Variants in PCDHGB4 observed in about 807,000 individuals in gnomAD.
PCDHGB4 encodes the protein protocadherin gamma subfamily B, 4.
A neutral mutation model predicts 60.5 loss-of-function variants in PCDHGB4; 38 were observed. The observed-to-expected ratio is 0.63, with a 90% CI of 0.48 to 0.82. The LOEUF (loss-of-function observed/expected upper bound fraction) is 0.82, where lower values mean the gene tolerates loss of function less well. Ranked by LOEUF, PCDHGB4 falls within the 40% of genes least tolerant of loss-of-function variation. The probability of loss-of-function intolerance (pLI) is 0.00; values close to 1 mark genes in which losing one functional copy is unlikely to be tolerated. For missense variants in PCDHGB4, 1,109 were observed against 1,209.6 expected, an observed-to-expected ratio of 0.92 and a Z score of 1.23; for synonymous variants, 456 against 509.7, an observed-to-expected ratio of 0.89 and a Z score of 1.42.
In PCDHGB4 at chr5:141,511,360, T is replaced by C; in HGVS notation, c.*187T>C. The C allele has an allele frequency of 7.5e-7, 1 of 1,333,050 alleles. No individual in the cohort carries two copies. Among genetic ancestry groups the C allele is most frequent in the Non-Finnish European group, 1.0e-6 (1 of 994,882 alleles). 82.6% of individuals were successfully genotyped at this position (1,333,050 alleles called of 1,614,324 possible). On this transcript the variant is annotated 3_prime_UTR_variant, in exon 4 of 4. Transcript: ENST00000519479. ...ACCTACCCCTTCCCCCCCAGGGGGT[T>C]GAATATGCAAAAGCAGTTCCGCTGG...
chr5:141,487,176 A>T lies in PCDHGB4; in HGVS notation c.2398-7631A>T. ...ACTCTCTTAGTGTCCTTAGAGGAAG[A>T]CACTCATCCAGTTGTCCCAGATCTT... On this transcript the variant is annotated intron_variant, in intron 1 of 3. Transcript: ENST00000519479. This position sits in a 1 kb window ranked among gnomAD's most constrained non-coding sequence, Gnocchi z 5.0. 1 of 1,613,774 alleles carries T rather than the reference A, an allele frequency of 6.2e-7. No individual in the cohort carries two copies. Among genetic ancestry groups the T allele is most frequent in the South Asian group, 1.1e-5 (1 of 91,082 alleles).
rs761731200 is a variant in PCDHGB4, at chr5:141,477,252, T to C, written c.2398-17555T>C. The C allele has an allele frequency of 1.2e-6, 2 of 1,614,182 alleles. No homozygotes were observed. The highest frequency in any genetic ancestry group is 8.5e-7 in the Non-Finnish European group (1 of 1,180,034). ...ATCGCTTTGCTCAGTGTGACTGACCTGGATGCTGGCGAGAACGGGCTGGTG... is the reference window on the plus strand; with the variant it reads ...ATCGCTTTGCTCAGTGTGACTGACCCGGATGCTGGCGAGAACGGGCTGGTG... On this transcript the variant is annotated intron_variant, in intron 1 of 3. Transcript: ENST00000519479. The surrounding 1 kb of genome is among the most constrained non-coding windows in gnomAD (Gnocchi z 4.9).
At chr5:141,497,307 C>T (rs1295364802) in intron 2 of PCDHGB4, among the ~76,000 whole-genome samples, 1 of 152,096 alleles carries the variant, frequency 6.6e-6, no homozygotes, top group Non-Finnish European at 1.5e-5. Flanking sequence ...CCAGGCCATA[C>T]ACTGGCTTTG....
In PCDHGB4 at chr5:141,389,374, G is replaced by A. The variant is rs192606668; in HGVS notation, c.1490G>A (p.Arg497Gln). Residue 497 changes from arginine (R) to glutamine (Q), a missense_variant, in exon 1 of 4, where the codon CGG becomes CAG. By Grantham distance (43) the Arg-to-Gln change is conservative. This residue lies in a region of PCDHGB4 where 1,068 missense variants were observed against 1,089.9 expected (regional missense o/e 0.98). Coordinates refer to ENST00000519479, the MANE Select transcript of PCDHGB4 (RefSeq NM_003736.4). Reference sequence around the variant, plus strand: ...ATCATGGCCAGTGACCTGGAGCAGCGGGAGCTGTCATCCTACGTGTCCATA... The same window carrying A: ...ATCATGGCCAGTGACCTGGAGCAGCAGGAGCTGTCATCCTACGTGTCCATA... ...YCIMASDLEQ[R>Q]ELSSYVSISA... 1,030 of 1,613,784 alleles carry A rather than the reference G, an allele frequency of 6.4e-4. 16 individuals are homozygous for A. The East Asian group carries it at 0.021, about 33-fold the overall frequency.
At chr5:141,402,580 T>C (rs1217508250) in intron 1 of PCDHGB4, among the ~76,000 whole-genome samples, 3 of 152,226 alleles carry the variant, frequency 2.0e-5, no homozygotes, top group South Asian at 4.1e-4. Context: ...CTCAGATATC[T>C]AAAAAATAGA....
chr5:141,447,648 T>A (rs1262852729), intron 1 of PCDHGB4, among the ~76,000 whole-genome samples: 3 of 152,164 alleles, frequency 2.0e-5, no homozygotes, highest in African/African-American at 4.8e-5. Flanking sequence ...ATGGTAGAAT[T>A]TTCCCCCCCA....
chr5:141,422,432 A>G, intron 1 of PCDHGB4: 1 of 1,609,448 alleles, frequency 6.2e-7, no homozygotes, highest in Non-Finnish European at 8.5e-7. Context: ...TATGGAAATT[A>G]TTACAAATTG....
At chr5:141,419,192 G>C (rs772847766) in intron 1 of PCDHGB4, 2 of 1,613,934 alleles carry the variant, frequency 1.2e-6, no homozygotes, top group Admixed American at 1.7e-5. Context: ...CATTACTGAC[G>C]TCAATGACAA....
At chr5:141,459,863 G>A (rs182099511) in intron 1 of PCDHGB4, among the ~76,000 whole-genome samples, 2 of 152,242 alleles carry the variant, frequency 1.3e-5, no homozygotes, top group East Asian at 1.9e-4. Context: ...TGAAGCATTC[G>A]TTCATCTTTA....
intron 1 of PCDHGB4, chr5:141,403,849 G>C (rs1422192604): frequency 6.2e-7 from 1 of 1,613,560 alleles, no homozygotes; most frequent in South Asian, 1.1e-5. Context: ...AAAATACTGG[G>C]GAAATATCAA....
At chr5:141,458,728 T>A (rs1010109573) in intron 1 of PCDHGB4, among the ~76,000 whole-genome samples, 1 of 151,870 alleles carries the variant, frequency 6.6e-6, no homozygotes, top group Non-Finnish European at 1.5e-5. Context: ...CGCCACCACA[T>A]CCAGCTATTG....
chr5:141,444,900 T>C (rs997464788), intron 1 of PCDHGB4, among the ~76,000 whole-genome samples: 1 of 152,182 alleles, frequency 6.6e-6, no homozygotes, highest in Non-Finnish European at 1.5e-5. Context: ...TGGGATGGCA[T>C]TGCATCTATA....
chr5:141,420,050 C>A, intron 1 of PCDHGB4: 1 of 1,614,076 alleles, frequency 6.2e-7, no homozygotes. Context: ...TGAGTCAGTT[C>A]TCTGCTCCAA....
intron 1 of PCDHGB4, among the ~76,000 whole-genome samples, chr5:141,436,604 G>A (rs2097836057): frequency 6.6e-6 from 1 of 152,146 alleles, no homozygotes; most frequent in Admixed American, 6.5e-5. Context: ...GTGATGGCTA[G>A]GGCTAACAAA....
At chr5:141,441,746 C>CGTCAA in intron 1 of PCDHGB4, 1 of 371,314 alleles carries the variant, frequency 2.7e-6, no homozygotes, top group Non-Finnish European at 5.4e-6. Context: ...TCGCGCTCGG[C>CGTCAA]GTCAACGTGA....
intron 1 of PCDHGB4, chr5:141,408,828 G>C: frequency 6.2e-7 from 1 of 1,613,614 alleles, no homozygotes; most frequent in East Asian, 2.2e-5. Context: ...AGATCTCATA[G>C]CTTGATATTG....
At chr5:141,403,945 A>C in intron 1 of PCDHGB4, 3 of 1,613,926 alleles carry the variant, frequency 1.9e-6, no homozygotes, top group Non-Finnish European at 2.5e-6. Flanking sequence ...AAGGGTGGAC[A>C]AAAGTGCTCA....
chr5:141,426,873 C>T (rs1299082117), intron 1 of PCDHGB4: 1 of 456,702 alleles, frequency 2.2e-6, no homozygotes, highest in East Asian at 6.9e-5. Context: ...GCTGGAGAAG[C>T]CCCTGGGCCA....
chr5:141,487,467 T>C lies in PCDHGB4; in HGVS notation c.2398-7340T>C. ...GATGACCCTATCAAGTTTGTTGATG[T>C]GGGAGGCCACTCTCATGGCTGTACA... On this transcript the variant is annotated intron_variant, in intron 1 of 3. Transcript: ENST00000519479. The surrounding 1 kb of genome is among the most constrained non-coding windows in gnomAD (Gnocchi z 5.0). 6.2e-7 allele frequency: 1 copy of C among 1,614,186 alleles called. No individual in the cohort carries two copies. The highest frequency in any genetic ancestry group is 8.5e-7 in the Non-Finnish European group (1 of 1,180,026).
Sources: allele counts gnomAD v4.1 joint callset (sites outside exome capture counted in the v4.1 genomes callset), GRCh38; gene constraint gnomAD v4.1.1; regional missense constraint gnomAD v4.1.1; non-coding constraint Gnocchi (gnomAD v3.1); transcripts MANE v1.5; gene names NCBI Gene and HGNC (gene_info 2026-07-23, HGNC 2026-07-21).